The following DPP10 variants were observed in gnomAD, a reference collection of about 807,000 sequenced individuals.
The protein encoded by DPP10 is inactive dipeptidyl peptidase 10.
In DPP10, 33 loss-of-function variants were observed where a neutral mutation model predicts 120.9. The ratio of observed to expected loss-of-function variants is 0.27; its 90% CI spans 0.21 to 0.37. DPP10 has a LOEUF of 0.37. Ranked by LOEUF, DPP10 falls within the 10% of genes least tolerant of loss-of-function variation. DPP10 has a pLI of 1.00. For synonymous variants in DPP10, 337 were observed against 326.1 expected, an observed-to-expected ratio of 1.03 and a Z score of -0.36; for missense variants, 816 against 942.8, an observed-to-expected ratio of 0.87 and a Z score of 1.76.
At chr2:114,539,194 ATTATAT>A (rs1423645803) in intron 1 of DPP10, among the ~76,000 whole-genome samples, 7 of 148,648 alleles carry the variant, frequency 4.7e-5, no homozygotes, top group South Asian at 2.1e-4. Context: ...TTACATATAA[ATTATAT>A]TTATAATTAT....
chr2:114,767,625 G>A (rs1680855248), intron 1 of DPP10, among the ~76,000 whole-genome samples: 1 of 152,108 alleles, frequency 6.6e-6, no homozygotes, highest in Non-Finnish European at 1.5e-5. Flanking sequence ...AAAGAGGGCT[G>A]CACATCATAA....
At chr2:115,558,879 C>T (rs2080385122) in intron 5 of DPP10, among the ~76,000 whole-genome samples, 1 of 152,112 alleles carries the variant, frequency 6.6e-6, no homozygotes, top group Non-Finnish European at 1.5e-5. Flanking sequence ...CAGTAGGTGC[C>T]ATTATCTACT....
chr2:115,037,646 G>A (rs143832039), intron 1 of DPP10, among the ~76,000 whole-genome samples: 90 of 152,252 alleles, frequency 5.9e-4, no homozygotes, highest in Non-Finnish European at 1.1e-3. Context: ...TATAATTTCC[G>A]TGCATGAGCT....
intron 3 of DPP10, among the ~76,000 whole-genome samples, chr2:115,495,797 A>T (rs551763047): frequency 6.6e-6 from 1 of 152,254 alleles, no homozygotes; most frequent in South Asian, 2.1e-4. Flanking sequence ...CATTTTAGGA[A>T]AACTGACTGA....
chr2:115,375,566 T>C (rs2065731755), intron 3 of DPP10, among the ~76,000 whole-genome samples: 2 of 152,210 alleles, frequency 1.3e-5, no homozygotes, highest in Admixed American at 1.3e-4. Flanking sequence ...TCAGGTATCT[T>C]TATAGCAGTC....
Position 115,114,667 on chromosome 2 carries a change from G to C in DPP10, c.61-194572G>C, listed in dbSNP as rs183627768. Among the ~76,000 whole-genome samples the C allele has an allele frequency of 8.0e-3, 1,215 of 152,140 alleles. 7 individuals carry two copies. The highest frequency in any genetic ancestry group is 0.017 in the Middle Eastern group (5 of 294). On this transcript the variant is annotated intron_variant, in intron 1 of 25. Coordinates refer to ENST00000410059, the MANE Select transcript of DPP10 (RefSeq NM_020868.6). ...GGAGAAAGTAAACACACATTCTAAC[G>C]CAAGTGAGTATTTTTTGGTACTGAT...
At chr2:115,719,008 C>T (rs13390233) in intron 7 of DPP10, among the ~76,000 whole-genome samples, 8,182 of 151,990 alleles carry the variant, frequency 0.054, 698 homozygotes, top group African/African-American at 0.18. Context: ...GTTTATTTCT[C>T]GGGGCCTGTA....
At chr2:114,817,604 T>G (rs1274748507) in intron 1 of DPP10, among the ~76,000 whole-genome samples, 1 of 152,172 alleles carries the variant, frequency 6.6e-6, no homozygotes, top group Non-Finnish European at 1.5e-5. Flanking sequence ...TTTCTATACT[T>G]CCACCCTGCC....
intron 1 of DPP10, among the ~76,000 whole-genome samples, chr2:114,575,440 T>A (rs1460182871): frequency 6.6e-6 from 1 of 152,170 alleles, no homozygotes; most frequent in East Asian, 1.9e-4. Context: ...TGTTTGGAAG[T>A]AATGCATTTG....
chr2:115,826,355 C>G (rs1166032698), intron 21 of DPP10, among the ~76,000 whole-genome samples: 1 of 152,148 alleles, frequency 6.6e-6, no homozygotes, highest in African/African-American at 2.4e-5. Flanking sequence ...TATTTCCATA[C>G]TTTTTTATTG....
intron 1 of DPP10, among the ~76,000 whole-genome samples, chr2:114,760,905 A>G (rs1347214362): frequency 6.6e-6 from 1 of 152,256 alleles, no homozygotes; most frequent in Non-Finnish European, 1.5e-5. Context: ...TGAGAAAATT[A>G]AGATATTTAG....
At chr2:115,225,393 T>C (rs1291246014) in intron 1 of DPP10, among the ~76,000 whole-genome samples, 1 of 152,026 alleles carries the variant, frequency 6.6e-6, no homozygotes, top group Non-Finnish European at 1.5e-5. Context: ...TGCCTTGAGA[T>C]AGGCAGCACT....
At chr2:114,975,282 G>T (rs1315584773) in intron 1 of DPP10, among the ~76,000 whole-genome samples, 2 of 152,132 alleles carry the variant, frequency 1.3e-5, no homozygotes, top group Non-Finnish European at 2.9e-5. Context: ...TTGACCTCAT[G>T]ATCCACTCAC....
At chr2:115,162,021 C>T in intron 1 of DPP10, 7 of 1,386,452 alleles carry the variant, frequency 5.0e-6, no homozygotes, top group Non-Finnish European at 6.5e-6. Flanking sequence ...GCGCAGCCGG[C>T]GGACCAGGTG....
chr2:115,482,371 AT>A (rs2075494146), intron 3 of DPP10, among the ~76,000 whole-genome samples: 2 of 151,868 alleles, frequency 1.3e-5, no homozygotes, highest in Non-Finnish European at 2.9e-5. Flanking sequence ...ATAGTTACCC[AT>A]TTTTTCCTCC....
At chr2:115,633,204 G>A (rs1015899770) in intron 5 of DPP10, among the ~76,000 whole-genome samples, 1 of 152,176 alleles carries the variant, frequency 6.6e-6, no homozygotes, top group African/African-American at 2.4e-5. Flanking sequence ...ATGATAGACT[G>A]GATTAAGACA....
intron 1 of DPP10, among the ~76,000 whole-genome samples, chr2:114,570,822 G>T (rs1689577958): frequency 8.1e-6 from 1 of 123,470 alleles, no homozygotes; most frequent in South Asian, 2.8e-4. Context: ...GACAGAGTGA[G>T]ACTCTGTCTC....
intron 1 of DPP10, among the ~76,000 whole-genome samples, chr2:115,250,050 A>C (rs1259166519): frequency 2.6e-5 from 4 of 152,072 alleles, no homozygotes; most frequent in Non-Finnish European, 4.4e-5. Flanking sequence ...AGCAGTCTCC[A>C]AATACATTAG....
At chr2:114,631,758 A>T (rs1266432598) in intron 1 of DPP10, among the ~76,000 whole-genome samples, 1 of 152,142 alleles carries the variant, frequency 6.6e-6, no homozygotes, top group African/African-American at 2.4e-5. Flanking sequence ...CACTACCATT[A>T]TTGGGACTAA....
Sources: allele counts gnomAD v4.1 joint callset (sites outside exome capture counted in the v4.1 genomes callset), GRCh38; gene constraint gnomAD v4.1.1; transcripts MANE v1.5; gene names NCBI Gene and HGNC (gene_info 2026-07-23, HGNC 2026-07-21).